Variants in PAK1 observed in about 807,000 individuals in gnomAD.
PAK1 encodes serine/threonine-protein kinase PAK 1.
PAK1 carries 29 observed loss-of-function variants against 67.4 expected under a neutral mutation model. The ratio of observed to expected loss-of-function variants is 0.43; its 90% CI spans 0.32 to 0.59. PAK1 has a LOEUF of 0.59. Among genes scored for constraint, PAK1 ranks in the 20% least tolerant of loss-of-function variants. The pLI is 0.07. For synonymous variants in PAK1, 223 were observed against 237.4 expected (o/e 0.94, Z 0.56); for missense variants, 337 against 670.7 (o/e 0.50, Z 5.50).
chr11:77,495,908 T>C, the PAK1 span, among the ~76,000 whole-genome samples: 2 of 152,196 alleles, frequency 1.3e-5, no homozygotes, highest in Non-Finnish European at 2.9e-5. Flanking sequence ...AAGGAGGTTA[T>C]TGTTTAATGA....
intron 4 of PAK1, among the ~76,000 whole-genome samples, chr11:77,378,381 C>T (rs932902049): frequency 1.3e-5 from 2 of 152,040 alleles, no homozygotes; most frequent in African/African-American, 2.4e-5. Context: ...TCCCTTCTAC[C>T]GAGGGTACAT....
At chr11:77,510,507 G>A in the PAK1 span, among the ~76,000 whole-genome samples, 1 of 152,106 alleles carries the variant, frequency 6.6e-6, no homozygotes, top group Non-Finnish European at 1.5e-5. Flanking sequence ...GAGATTACAG[G>A]TGTGTACAGG....
intron 1 of PAK1, among the ~76,000 whole-genome samples, chr11:77,404,774 C>A (rs2137813721): frequency 6.6e-6 from 1 of 152,324 alleles, no homozygotes; most frequent in Non-Finnish European, 1.5e-5. Flanking sequence ...ATAATCTGCT[C>A]TTTCAGCTAT....
Position 77,359,971 on chromosome 11 carries a change from A to G in PAK1, c.478-954T>C, listed in dbSNP as rs910781228. ...GAGCACCTACTTTGTGCTCAGTAAG[A>G]CTGTGATAGGTACTGTTGACATAAA... On this transcript the variant is annotated intron_variant, in intron 5 of 14. Transcript: ENST00000356341. Among the ~76,000 whole-genome samples the G allele has an allele frequency of 1.4e-4, 22 of 152,194 alleles. 1 individual carries two copies. The highest frequency in any genetic ancestry group is 1.3e-4 in the Admixed American group (2 of 15,276).
chr11:77,465,709 AT>A (rs555910734), intron 1 of PAK1, among the ~76,000 whole-genome samples: 25 of 152,292 alleles, frequency 1.6e-4, no homozygotes, highest in South Asian at 1.0e-3. Context: ...CATGCCTGTA[AT>A]TCCAGCACGT....
chr11:77,356,416 T>C (rs1946045160), intron 6 of PAK1: 1 of 152,318 alleles, frequency 6.6e-6, no homozygotes, highest in African/African-American at 2.4e-5. Context: ...ACTTTTGTTC[T>C]TCATCAAGAG....
intron 1 of PAK1, among the ~76,000 whole-genome samples, chr11:77,430,215 G>C (rs574151672): frequency 3.4e-5 from 5 of 147,338 alleles, no homozygotes; most frequent in African/African-American, 1.2e-4. Flanking sequence ...GGGGGTTATA[G>C]AAAAAAAAAA....
At chr11:77,393,576 C>T (rs1435116951) in intron 1 of PAK1, among the ~76,000 whole-genome samples, 1 of 152,160 alleles carries the variant, frequency 6.6e-6, no homozygotes, top group Admixed American at 6.5e-5. Flanking sequence ...GAATTACAGG[C>T]GAGAGCCACT....
At chr11:77,333,359 G>C (rs1399327850) in intron 13 of PAK1, among the ~76,000 whole-genome samples, 1 of 151,856 alleles carries the variant, frequency 6.6e-6, no homozygotes, top group Admixed American at 6.6e-5. Context: ...CACTACACCC[G>C]ACTGCTTTTC....
chr11:77,472,416 TC>T (rs1957905618), intron 1 of PAK1, among the ~76,000 whole-genome samples: 2 of 152,286 alleles, frequency 1.3e-5, no homozygotes, highest in South Asian at 4.1e-4. Context: ...AGAAATCAGC[TC>T]TGTCTGTAAG....
At chr11:77,372,215 G>C (rs2853091) in intron 5 of PAK1, among the ~76,000 whole-genome samples, 9,540 of 152,208 alleles carry the variant, frequency 0.063, 670 homozygotes, top group East Asian at 0.24. Flanking sequence ...TCGGCTTAAA[G>C]CCTCTTCTTT....
chr11:77,355,412 A>C (rs989310620), intron 7 of PAK1, among the ~76,000 whole-genome samples: 38 of 152,106 alleles, frequency 2.5e-4, no homozygotes, highest in Non-Finnish European at 1.3e-4. Context: ...GCTATAATAC[A>C]TGCCTAGGGG....
the PAK1 span, among the ~76,000 whole-genome samples, chr11:77,492,209 C>T: frequency 6.6e-6 from 1 of 152,120 alleles, no homozygotes; most frequent in Non-Finnish European, 1.5e-5. Flanking sequence ...GTGGCAGGTG[C>T]CTGTAATCCC....
At chr11:77,343,759 G>C in intron 10 of PAK1, 60 bp downstream of exon 10, 1 of 993,486 alleles carries the variant, frequency 1.0e-6, no homozygotes, top group Non-Finnish European at 1.6e-6. Flanking sequence ...TTCTCTAACA[G>C]CTTCACCACC....
intron 14 of PAK1, among the ~76,000 whole-genome samples, chr11:77,326,862 T>C (rs571633165): frequency 6.6e-6 from 1 of 152,092 alleles, no homozygotes; most frequent in East Asian, 1.9e-4. Flanking sequence ...TTCGAATCAA[T>C]GGCAAAGAAG....
At chr11:77,443,738 CA>C (rs1956467839) in intron 1 of PAK1, among the ~76,000 whole-genome samples, 1 of 151,896 alleles carries the variant, frequency 6.6e-6, no homozygotes, top group East Asian at 1.9e-4. Context: ...TCGAAGTATC[CA>C]AAACAGAAGG....
At chr11:77,323,534 C>T (rs1028614112) in intron 14 of PAK1, among the ~76,000 whole-genome samples, 174 bp from the exon 15 acceptor site, 2 of 152,156 alleles carry the variant, frequency 1.3e-5, no homozygotes, top group African/African-American at 4.8e-5. Context: ...TGTTTGGCAG[C>T]ATCTACTTAC....
At chr11:77,423,914 A>G (rs1238495745) in intron 1 of PAK1, among the ~76,000 whole-genome samples, 1 of 152,228 alleles carries the variant, frequency 6.6e-6, no homozygotes. Context: ...CTTAGATGTA[A>G]GCATCAGACT....
At chr11:77,464,989 A>AGTGTGTGTGT (rs57578087) in intron 1 of PAK1, among the ~76,000 whole-genome samples, 1 of 149,002 alleles carries the variant, frequency 6.7e-6, no homozygotes, top group East Asian at 2.0e-4. Context: ...TACATGAAAG[A>AGTGTGTGTGT]GTGTGTGTGT....
Sources: gnomAD v4.1 joint callset for allele counts (sites outside exome capture counted in the v4.1 genomes callset) on GRCh38, gnomAD v4.1.1 for gene constraint, MANE v1.5 for transcripts, NCBI Gene and HGNC (gene_info 2026-07-23, HGNC 2026-07-21) for gene names.